The following UPP2 variants were observed in gnomAD, a reference collection of about 807,000 sequenced individuals.
UPP2 encodes uridine phosphorylase 2.
In UPP2, 23 loss-of-function variants were observed where a neutral mutation model predicts 26.7. The ratio of observed to expected loss-of-function variants is 0.86; its 90% CI spans 0.62 to 1.22. The LOEUF (loss-of-function observed/expected upper bound fraction) is 1.22. Ranked by LOEUF, UPP2 falls within the 50% of genes most tolerant of loss-of-function variation. The pLI is 0.00. For missense variants in UPP2, 387 were observed against 396.7 expected, an observed-to-expected ratio of 0.98 and a Z score of 0.21; for synonymous variants, 127 against 141.3, an observed-to-expected ratio of 0.90 and a Z score of 0.72.
intron 3 of UPP2, among the ~76,000 whole-genome samples, chr2:158,027,135 A>G (rs1268280790): frequency 6.6e-6 from 1 of 152,114 alleles, no homozygotes; most frequent in Non-Finnish European, 1.5e-5. Flanking sequence ...TTCAAAACCA[A>G]TCATTGCCTT....
chr2:158,037,054 C>T (rs923352950), intron 3 of UPP2, among the ~76,000 whole-genome samples: 13 of 152,108 alleles, frequency 8.5e-5, no homozygotes, highest in African/African-American at 2.7e-4. Context: ...GCTAACCAGG[C>T]TCTGACTTGA....
chr2:158,065,218 C>A (rs1682415702), intron 3 of UPP2, among the ~76,000 whole-genome samples: 1 of 152,148 alleles, frequency 6.6e-6, no homozygotes, highest in African/African-American at 2.4e-5. Context: ...TGTAGAAATT[C>A]ATTACTACTC....
At chr2:158,054,620 T>C (rs1188838570) in intron 3 of UPP2, among the ~76,000 whole-genome samples, 2 of 152,124 alleles carry the variant, frequency 1.3e-5, no homozygotes, top group African/African-American at 4.8e-5. Flanking sequence ...GAATCTGGTG[T>C]GTACTAAGGG....
intron 3 of UPP2, among the ~76,000 whole-genome samples, chr2:158,059,817 G>A (rs940476155): frequency 6.6e-6 from 1 of 151,994 alleles, no homozygotes; most frequent in African/African-American, 2.4e-5. Flanking sequence ...GCTGTTCATG[G>A]CTTCTAAGTT....
chr2:158,089,170 G>T (rs1041094207), intron 3 of UPP2, among the ~76,000 whole-genome samples: 2 of 152,056 alleles, frequency 1.3e-5, no homozygotes, highest in Non-Finnish European at 2.9e-5. Flanking sequence ...CTGCTGGGGG[G>T]ATAGGGGTGT....
At chr2:158,072,957 G>A (rs1342007230) in intron 3 of UPP2, among the ~76,000 whole-genome samples, 1 of 151,890 alleles carries the variant, frequency 6.6e-6, no homozygotes, top group East Asian at 1.9e-4. Flanking sequence ...AGACCATCCA[G>A]GAAAACTTGA....
rs182614684 is a variant in UPP2 at position 158,054,146 on chromosome 2, C to A, written c.147+38260C>A. Among the ~76,000 whole-genome samples, 435 of 152,250 alleles carry A rather than the reference C, an allele frequency of 2.9e-3. 1 individual carries two copies. The highest frequency in any genetic ancestry group is 5.0e-3 in the Non-Finnish European group (338 of 68,022). On this transcript the variant is annotated intron_variant, in intron 3 of 9. Transcript: ENST00000605860. ...ATTAGCTGGGCGCAGTGGCACACGT[C>A]TGTAGTTTCAGCTACTGAGGCATGA...
In UPP2 at chr2:158,122,531, G is replaced by C. The variant is rs1388367502; in HGVS notation, c.664+913G>C. On this transcript the variant is annotated intron_variant, in intron 5 of 6. Transcript: ENST00000005756. Reference sequence around the variant, plus strand: ...GCCACTGACTCATAGTCCATCTCGAGGGTCACTCACTGATATGTTAAAGCA... The same window carrying C: ...GCCACTGACTCATAGTCCATCTCGACGGTCACTCACTGATATGTTAAAGCA... Among the ~76,000 whole-genome samples the C allele has an allele frequency of 3.9e-5, 6 of 152,038 alleles. No homozygotes were observed. The South Asian group carries it at 1.0e-3, about 26-fold the overall frequency.
In UPP2 at chr2:158,029,211, TTAAAC is replaced by T. The variant is rs550302070; in HGVS notation, c.147+13329_147+13333del. 2.1e-3 allele frequency among the ~76,000 whole-genome samples: 314 copies of T among 152,336 alleles called. 1 individual carries two copies. The highest frequency in any genetic ancestry group is 7.3e-3 in the African/African-American group (305 of 41,572). On this transcript the variant is annotated intron_variant, in intron 3 of 9. Coordinates refer to the UPP2 transcript ENST00000605860. The stretch of plus-strand genomic sequence containing the variant: ...AGAGATATTAAACAAAATATCTAGT[TTAAAC>T]TAATAATAAACTAAATGTACTGTTC...
At chr2:158,027,922 C>T (rs1336419556) in intron 3 of UPP2, among the ~76,000 whole-genome samples, 6 of 152,212 alleles carry the variant, frequency 3.9e-5, no homozygotes, top group Non-Finnish European at 7.3e-5. Context: ...CTTCTTTCAG[C>T]CACGGCTGGA....
chr2:158,118,115 CT>C (rs1683481269), intron 4 of UPP2, among the ~76,000 whole-genome samples, 177 bp downstream of exon 4: 1 of 151,840 alleles, frequency 6.6e-6, no homozygotes, highest in Admixed American at 6.6e-5. Flanking sequence ...TCTTTTATTC[CT>C]TTTTTCTTTA....
intron 3 of UPP2, among the ~76,000 whole-genome samples, chr2:158,025,201 C>CAAA (rs60557993): frequency 5.1e-5 from 4 of 78,630 alleles, no homozygotes; most frequent in African/African-American, 1.8e-4. Flanking sequence ...GACTCCCTCT[C>CAAA]AAAAAAAAAA....
chr2:158,087,281 T>C (rs1318048828), intron 3 of UPP2, among the ~76,000 whole-genome samples: 2 of 152,330 alleles, frequency 1.3e-5, no homozygotes, highest in African/African-American at 4.8e-5. Flanking sequence ...CTTTAAAGTT[T>C]GTTTGGTCTG....
intron 2 of UPP2, among the ~76,000 whole-genome samples, chr2:158,002,285 C>A (rs1294101001): frequency 6.6e-6 from 1 of 152,156 alleles, no homozygotes; most frequent in Non-Finnish European, 1.5e-5. Flanking sequence ...GATAAACGTG[C>A]AACTCGAAGC....
intron 3 of UPP2, among the ~76,000 whole-genome samples, chr2:158,062,175 TATG>T (rs1357006497): frequency 6.6e-6 from 1 of 152,258 alleles, no homozygotes; most frequent in Admixed American, 6.5e-5. Context: ...TAGAACTTTC[TATG>T]ATGACGGAAA....
At chr2:158,064,827 C>G (rs1682409645) in intron 3 of UPP2, among the ~76,000 whole-genome samples, 1 of 152,112 alleles carries the variant, frequency 6.6e-6, no homozygotes, top group Admixed American at 6.6e-5. Flanking sequence ...TTTCCCAACA[C>G]CATTTATTAA....
At chr2:158,101,774 G>C (rs1683080136), upstream of UPP2, 1 of 1,068,022 alleles carries the variant, frequency 9.4e-7, no homozygotes, top group Non-Finnish European at 1.2e-6. Flanking sequence ...CAAAGAGCTA[G>C]GATGCCACAC....
chr2:158,001,040 G>T (rs1683396487), intron 2 of UPP2, among the ~76,000 whole-genome samples: 1 of 152,208 alleles, frequency 6.6e-6, no homozygotes, highest in Admixed American at 6.5e-5. Context: ...CCTCAGTAAA[G>T]AAGTTTCTCC....
chr2:158,055,711 C>T (rs549446514), intron 3 of UPP2, among the ~76,000 whole-genome samples: 21 of 152,188 alleles, frequency 1.4e-4, no homozygotes, highest in South Asian at 4.1e-4. Flanking sequence ...GCATAACCAA[C>T]TCCAGCATTT....
Sources: allele counts gnomAD v4.1 joint callset (sites outside exome capture counted in the v4.1 genomes callset), GRCh38; gene constraint gnomAD v4.1.1; transcripts MANE v1.5; gene names NCBI Gene and HGNC (gene_info 2026-07-23, HGNC 2026-07-21).